Variants in PRICKLE1 observed in about 807,000 individuals in gnomAD.
PRICKLE1 encodes the protein prickle planar cell polarity protein 1.
PRICKLE1 carries 14 observed loss-of-function variants against 70.2 expected under a neutral mutation model. The ratio of observed to expected loss-of-function variants is 0.20; its 90% CI spans 0.13 to 0.31. The LOEUF (loss-of-function observed/expected upper bound fraction) is 0.31, where lower values mean the gene tolerates loss of function less well. PRICKLE1 is among the 10% of genes least tolerant of loss of function. PRICKLE1 has a pLI of 1.00. For missense variants in PRICKLE1, 821 were observed against 1,026.2 expected (o/e 0.80, Z 2.73); for synonymous variants, 357 against 379.9 (o/e 0.94, Z 0.70).
intron 1 of PRICKLE1, among the ~76,000 whole-genome samples, chr12:42,502,033 C>CA (rs537368814): frequency 6.4e-4 from 98 of 152,086 alleles, no homozygotes; most frequent in African/African-American, 2.1e-3. Context: ...ATAGGTGTGA[C>CA]AGTTAATTTA....
At chr12:42,485,636 T>C (rs1938974574) in intron 1 of PRICKLE1, 1 of 152,212 alleles carries the variant, frequency 6.6e-6, no homozygotes, top group Non-Finnish European at 1.5e-5. Flanking sequence ...TAAATCAAAC[T>C]CTGAAATATC....
chr12:42,474,261 G>T (rs919778070), intron 1 of PRICKLE1, among the ~76,000 whole-genome samples: 2 of 152,120 alleles, frequency 1.3e-5, no homozygotes, highest in Non-Finnish European at 2.9e-5. Context: ...GACAGAGCGA[G>T]ACTCCGTCTC....
At chr12:42,488,565 C>T (rs11181521) in intron 1 of PRICKLE1, among the ~76,000 whole-genome samples, 54,203 of 152,096 alleles carry the variant, frequency 0.36, 10,492 homozygotes, top group East Asian at 0.58. Context: ...CCTCTCAACA[C>T]CTGTCCATCT....
At chr12:42,492,415 A>G (rs1669925) in intron 1 of PRICKLE1, among the ~76,000 whole-genome samples, 23,944 of 152,244 alleles carry the variant, frequency 0.16, 2,548 homozygotes, top group African/African-American at 0.31. Flanking sequence ...GGGCATGCCA[A>G]CTTTTAACAC....
intron 1 of PRICKLE1, among the ~76,000 whole-genome samples, chr12:42,536,847 T>C (rs117767264): frequency 1.3e-5 from 2 of 152,166 alleles, no homozygotes; most frequent in South Asian, 4.1e-4. Context: ...TAGTTTTTGC[T>C]CCATTTGCTA....
chr12:42,550,293 A>T (rs2120647835), intron 1 of PRICKLE1: 1 of 151,200 alleles, frequency 6.6e-6, no homozygotes, highest in East Asian at 2.0e-4. Context: ...TGATCGCGCC[A>T]CTGCACTCCA....
At chr12:42,468,900 A>C in intron 4 of PRICKLE1, 71 bp from the exon 5 acceptor site, 5 of 1,451,486 alleles carry the variant, frequency 3.4e-6, no homozygotes, top group Non-Finnish European at 4.8e-6. Flanking sequence ...TTCCTACTTT[A>C]GGATAAATCT....
At chr12:42,572,556 C>T (rs1940735836) in intron 1 of PRICKLE1, among the ~76,000 whole-genome samples, 1 of 152,026 alleles carries the variant, frequency 6.6e-6, no homozygotes, top group Non-Finnish European at 1.5e-5. Context: ...AAAATCAAGG[C>T]TCAAGCTTGT....
chr12:42,547,377 A>G (rs527844462), intron 1 of PRICKLE1, among the ~76,000 whole-genome samples: 38 of 152,364 alleles, frequency 2.5e-4, no homozygotes, highest in African/African-American at 8.4e-4. Flanking sequence ...AGCAAAAGGT[A>G]TTCATGAGGC....
intron 1 of PRICKLE1, among the ~76,000 whole-genome samples, chr12:42,535,058 T>A (rs1939994858): frequency 6.6e-6 from 1 of 152,222 alleles, no homozygotes; most frequent in Non-Finnish European, 1.5e-5. Context: ...GTGGGACACA[T>A]GACCCTGTAA....
In PRICKLE1 at chr12:42,589,715, C is replaced by A. The variant is rs1308566082; in HGVS notation, c.-299G>T. ...GTCGGGCGGCGGCGGCCGCGGGAGA[C>A]GGCGCTGGCAGCTGGGCTGCAGGCG... On this transcript the variant is annotated 5_prime_UTR_variant, in exon 1 of 8. Transcript: ENST00000345127. This position sits in a 1 kb window ranked among gnomAD's most constrained non-coding sequence, Gnocchi z 5.0. 1 of 150,246 alleles carries A rather than the reference C, an allele frequency of 6.7e-6. No individual in the cohort carries two copies. The highest frequency in any genetic ancestry group is 1.5e-5 in the Non-Finnish European group (1 of 67,456). The allele number at this position is 150,246 out of a possible 1,614,324, so 9.3% of individuals were successfully genotyped here. A position where few individuals can be genotyped will look rare whatever the true frequency, so the allele number is the denominator to read the frequency against.
In PRICKLE1 at chr12:42,459,581, G is replaced by T. The variant is rs576421272; in HGVS notation, c.*228C>A. ...CGTCCATCTGTAACGCACCCGCACC[G>T]GACAGGCACGAGATGTCACGTCCAC... On this transcript the variant is annotated 3_prime_UTR_variant, in exon 8 of 8. Coordinates refer to ENST00000345127, the MANE Select transcript of PRICKLE1 (RefSeq NM_153026.3). 76 of 634,240 alleles carry T rather than the reference G, an allele frequency of 1.2e-4. 1 individual carries two copies. The Middle Eastern group carries it at 1.3e-3, about 11-fold the overall frequency. The allele number at this position is 634,240 out of a possible 1,614,324, so 39.3% of individuals were successfully genotyped here. A position where few individuals can be genotyped will look rare whatever the true frequency, so the allele number is the denominator to read the frequency against.
chr12:42,458,159 A>C lies in PRICKLE1; in HGVS notation c.*1650T>G, dbSNP rs796743673. On this transcript the variant is annotated 3_prime_UTR_variant, in exon 8 of 8. Coordinates refer to ENST00000345127, the MANE Select transcript of PRICKLE1 (RefSeq NM_153026.3). ...TCCTCCCTAAGGCCAAATTTTCCCC[A>C]CTCCAGTCTATATGGAAAAAATAAG... The C allele has an allele frequency of 2.0e-5, 3 of 151,818 alleles. No homozygotes were observed. The highest frequency in any genetic ancestry group is 7.2e-5 in the African/African-American group (3 of 41,384). 9.4% of individuals were successfully genotyped at this position (151,818 alleles called of 1,614,324 possible).
chr12:42,527,156 G>A (rs1312101859), intron 1 of PRICKLE1, among the ~76,000 whole-genome samples: 31 of 110,566 alleles, frequency 2.8e-4, no homozygotes, highest in East Asian at 8.1e-4. Flanking sequence ...TTTTTGGGAC[G>A]GAGTCTCACT....
At chr12:42,500,109 A>G (rs1263488723) in intron 1 of PRICKLE1, among the ~76,000 whole-genome samples, 3 of 152,144 alleles carry the variant, frequency 2.0e-5, no homozygotes, top group South Asian at 4.1e-4. Context: ...AATGATTGTC[A>G]GTCTCATTTA....
intron 1 of PRICKLE1, among the ~76,000 whole-genome samples, chr12:42,485,095 G>C (rs1047511439): frequency 1.6e-4 from 25 of 151,710 alleles, no homozygotes; most frequent in Non-Finnish European, 1.0e-4. Context: ...CAACCTATGT[G>C]GTTCTACAGT....
intron 1 of PRICKLE1, among the ~76,000 whole-genome samples, chr12:42,565,494 C>G (rs1940606548): frequency 6.6e-6 from 1 of 152,152 alleles, no homozygotes; most frequent in Non-Finnish European, 1.5e-5. Context: ...CTATGATGAA[C>G]TAGCACTAAA....
chr12:42,508,228 G>C (rs189567666), intron 1 of PRICKLE1, among the ~76,000 whole-genome samples: 1 of 152,252 alleles, frequency 6.6e-6, no homozygotes, highest in Non-Finnish European at 1.5e-5. Flanking sequence ...TTTTTATAAA[G>C]GATCCTCCAC....
chr12:42,489,817 G>T (rs1224435593), intron 1 of PRICKLE1: 4 of 152,114 alleles, frequency 2.6e-5, no homozygotes, highest in African/African-American at 7.2e-5. Flanking sequence ...CTGTGAGAAG[G>T]AGGGTGTCAC....
Sources: gnomAD v4.1 joint callset for allele counts (sites outside exome capture counted in the v4.1 genomes callset) on GRCh38, gnomAD v4.1.1 for gene constraint, Gnocchi (gnomAD v3.1) non-coding constraint, MANE v1.5 for transcripts, NCBI Gene and HGNC (gene_info 2026-07-23, HGNC 2026-07-21) for gene names.